The following TNRC6C variants were observed in gnomAD, a reference collection of about 807,000 sequenced individuals.
TNRC6C encodes trinucleotide repeat-containing gene 6C protein.
Under a neutral mutation model 153.7 loss-of-function variants are expected in TNRC6C, and 20 were observed. The ratio of observed to expected loss-of-function variants is 0.13; its 90% CI spans 0.09 to 0.19. The LOEUF (loss-of-function observed/expected upper bound fraction) is 0.19. Ranked by LOEUF, TNRC6C falls within the 10% of genes least tolerant of loss-of-function variation. The pLI is 1.00. For missense variants in TNRC6C, 1,987 were observed against 2,172.0 expected (o/e 0.91, Z 1.69); for synonymous variants, 811 against 841.4 (o/e 0.96, Z 0.63).
intron 16 of TNRC6C, 96 bp from the exon 20 acceptor site, chr17:78,098,247 G>C (rs2073523980): frequency 1.7e-6 from 2 of 1,183,272 alleles, no homozygotes; most frequent in Non-Finnish European, 2.3e-6. Context: ...ACAGTCTGCT[G>C]GTGTTAGAGA....
rs546595680 is a variant in TNRC6C at position 78,041,332 on chromosome 17, C to T, written c.-218-7513C>T. On this transcript the variant is annotated intron_variant, in intron 2 of 19. Coordinates refer to ENST00000301624, the Ensembl canonical transcript of TNRC6C. ...AAAGATCTGCCGCACGGAGCAGAGA[C>T]TTACCCATGGCTTTCCCTACTGTGG... Among the ~76,000 whole-genome samples, 8 of 152,228 alleles carry T rather than the reference C, an allele frequency of 5.3e-5. No individual in the cohort carries two copies. In the East Asian group the frequency reaches 1.5e-3, roughly 29 times the overall value.
At chr17:78,044,417 A>G (rs1219245712) in intron 2 of TNRC6C, among the ~76,000 whole-genome samples, 1 of 152,220 alleles carries the variant, frequency 6.6e-6, no homozygotes, top group Non-Finnish European at 1.5e-5. Flanking sequence ...TCTGCTGAAC[A>G]CTGGCAGTAA....
Position 78,096,287 on chromosome 17 carries a change from A to G in TNRC6C, c.4307-2056A>G, listed in dbSNP as rs138233669. On this transcript the variant is annotated intron_variant, in intron 16 of 19. Coordinates refer to ENST00000301624, the Ensembl canonical transcript of TNRC6C. ...TATGGTAGAGGGTGGGAGGAAGGAG[A>G]GGATTCAGAAACTGCCTGTGGGGTA... is the stretch of plus-strand genomic sequence containing the variant. Among the ~76,000 whole-genome samples the G allele has an allele frequency of 9.4e-3, 1,435 of 152,240 alleles. 15 individuals are homozygous for G. Among genetic ancestry groups the G allele is most frequent in the South Asian group, 0.037 (176 of 4,814 alleles).
At chr17:77,972,459 C>T (rs905882181) in intron 1 of TNRC6C, among the ~76,000 whole-genome samples, 2 of 151,694 alleles carry the variant, frequency 1.3e-5, no homozygotes, top group African/African-American at 4.8e-5. Context: ...TTGCAGTGAG[C>T]CCAGATGGCG....
chr17:78,082,988 G>A, intron 10 of TNRC6C, 59 bp from the exon 13 acceptor site: 2 of 1,589,386 alleles, frequency 1.3e-6, no homozygotes, highest in South Asian at 1.1e-5. Context: ...AAAACTACAG[G>A]TACAAGTAAC....
chr17:78,053,198 T>C (rs535023790), intron 3 of TNRC6C, among the ~76,000 whole-genome samples: 1 of 152,378 alleles, frequency 6.6e-6, no homozygotes, highest in East Asian at 1.9e-4. Flanking sequence ...TTACGTTAAC[T>C]GACTGGTTCC....
intron 1 of TNRC6C, among the ~76,000 whole-genome samples, chr17:77,996,628 C>A (rs558120972): frequency 6.6e-6 from 1 of 152,192 alleles, no homozygotes; most frequent in East Asian, 1.9e-4. Context: ...AGAGGGCATA[C>A]CTCACAGACA....
At chr17:77,964,964 T>G (rs2070885996) in intron 1 of TNRC6C, among the ~76,000 whole-genome samples, 1 of 152,208 alleles carries the variant, frequency 6.6e-6, no homozygotes, top group Non-Finnish European at 1.5e-5. Context: ...TTTGAGTCAC[T>G]GAGGACAATT....
At chr17:77,973,033 G>A (rs2070951924) in intron 1 of TNRC6C, among the ~76,000 whole-genome samples, 1 of 152,178 alleles carries the variant, frequency 6.6e-6, no homozygotes, top group South Asian at 2.1e-4. Context: ...AGCCTCCTGC[G>A]TAGCTGGGAT....
chr17:78,047,122 A>T (rs1056659507), intron 2 of TNRC6C, among the ~76,000 whole-genome samples: 2 of 152,170 alleles, frequency 1.3e-5, no homozygotes, highest in African/African-American at 4.8e-5. Context: ...TCCATGAGGG[A>T]ACCCAAACTG....
chr17:78,050,102 C>G (rs564998334), exon 3 of TNRC6C: 1 of 1,608,596 alleles, frequency 6.2e-7, no homozygotes, highest in East Asian at 2.2e-5. Context: ...GGAAAGCCCC[C>G]AAACCAGCAT....
intron 1 of TNRC6C, among the ~76,000 whole-genome samples, chr17:77,962,275 G>A (rs1185071809): frequency 1.3e-5 from 2 of 152,154 alleles, no homozygotes; most frequent in African/African-American, 4.8e-5. Flanking sequence ...CTATTTGGGG[G>A]TCTTTTTGGC....
chr17:77,958,746 G>C (rs1332799210), upstream of TNRC6C, among the ~76,000 whole-genome samples: 4 of 150,674 alleles, frequency 2.7e-5, no homozygotes, highest in Admixed American at 1.3e-4. Flanking sequence ...CCGCACCTCA[G>C]CGCGACGGCC....
At chr17:77,989,089 C>T (rs535668414) in intron 1 of TNRC6C, among the ~76,000 whole-genome samples, 22 of 152,284 alleles carry the variant, frequency 1.4e-4, no homozygotes, top group Middle Eastern at 3.4e-3. Context: ...TGTCACTTAA[C>T]ACAATGTTAC....
Position 78,075,118 on chromosome 17 carries a change from CTGTT to C in TNRC6C, c.2918-13_2918-10del, listed in dbSNP as rs1440928419. ...ACTTGTTTTGTTTACAACATTGCTTCTGTTTGTTGTGCTCCAGGCGCTCTGCTGG... is the reference window on the plus strand; with the variant it reads ...ACTTGTTTTGTTTACAACATTGCTTCTGTTGTGCTCCAGGCGCTCTGCTGG... On this transcript the variant is annotated splice_polypyrimidine_tract_variant and intron_variant, in intron 7 of 19. Transcript: ENST00000301624. The surrounding 1 kb of genome is among the most constrained non-coding windows in gnomAD (Gnocchi z 4.2). 5 of 1,611,932 alleles carry C rather than the reference CTGTT, an allele frequency of 3.1e-6. No individual in the cohort carries two copies. In the African/African-American group the frequency reaches 5.3e-5, roughly 17 times the overall value.
intron 1 of TNRC6C, among the ~76,000 whole-genome samples, chr17:77,987,047 C>T (rs940809191): frequency 1.3e-5 from 2 of 152,086 alleles, no homozygotes; most frequent in African/African-American, 4.8e-5. Context: ...GCGTTTAAAA[C>T]TTGGTGAATG....
chr17:78,047,068 G>T (rs2072426395), intron 2 of TNRC6C, among the ~76,000 whole-genome samples: 1 of 151,940 alleles, frequency 6.6e-6, no homozygotes. Context: ...GTTGCAGTGA[G>T]TGCTGTCTTA....
At chr17:77,993,758 G>C (rs2071287055) in intron 1 of TNRC6C, among the ~76,000 whole-genome samples, 1 of 152,008 alleles carries the variant, frequency 6.6e-6, no homozygotes. Flanking sequence ...TATTTTTCAG[G>C]TAAATTTTCT....
At chr17:77,976,943 A>C (rs923087645) in intron 1 of TNRC6C, among the ~76,000 whole-genome samples, 1 of 149,310 alleles carries the variant, frequency 6.7e-6, no homozygotes, top group Non-Finnish European at 1.5e-5. Flanking sequence ...AAAAAAAAAA[A>C]AAAAAAAAAA....
Sources: gnomAD v4.1 joint callset for allele counts (sites outside exome capture counted in the v4.1 genomes callset) on GRCh38, gnomAD v4.1.1 for gene constraint, Gnocchi (gnomAD v3.1) non-coding constraint, MANE v1.5 for transcripts, NCBI Gene and HGNC (gene_info 2026-07-23, HGNC 2026-07-21) for gene names.